SLC35F3: variants seen among roughly 807,000 people sequenced by gnomAD.
The protein encoded by SLC35F3 is solute carrier family 35 member F3, also known as putative thiamine transporter SLC35F3.
In SLC35F3, 25 loss-of-function variants were observed where a neutral mutation model predicts 49.9. That is an observed-to-expected ratio of 0.50 (90% CI 0.37 to 0.70). SLC35F3 has a LOEUF of 0.70. Among genes scored for constraint, SLC35F3 ranks in the 30% least tolerant of loss-of-function variants. SLC35F3 has a pLI of 0.00. For synonymous variants in SLC35F3, 275 were observed against 265.4 expected, an observed-to-expected ratio of 1.04 and a Z score of -0.35; for missense variants, 525 against 639.8, an observed-to-expected ratio of 0.82 and a Z score of 1.94.
intron 3 of SLC35F3, among the ~76,000 whole-genome samples, chr1:234,308,183 T>C (rs1051929885): frequency 8.5e-5 from 13 of 152,154 alleles, no homozygotes; most frequent in Non-Finnish European, 1.5e-5. Context: ...ATAGGTACCC[T>C]AAAAATGGCC....
chr1:234,080,848 A>G (rs576600047), intron 2 of SLC35F3, among the ~76,000 whole-genome samples: 9 of 152,238 alleles, frequency 5.9e-5, no homozygotes, highest in Non-Finnish European at 1.2e-4. Flanking sequence ...TGATGAGTAT[A>G]CCACATCATG....
At chr1:234,258,374 C>G (rs1395415455) in intron 3 of SLC35F3, among the ~76,000 whole-genome samples, 1 of 152,120 alleles carries the variant, frequency 6.6e-6, no homozygotes, top group Admixed American at 6.5e-5. Flanking sequence ...CCTCAAACAC[C>G]AATCTTAGGT....
At chr1:234,299,661 C>T (rs1160738873) in intron 3 of SLC35F3, among the ~76,000 whole-genome samples, 1 of 151,696 alleles carries the variant, frequency 6.6e-6, no homozygotes, top group African/African-American at 2.4e-5. Context: ...AAAAATTAGC[C>T]AGGCATGGTG....
chr1:234,204,123 A>G (rs1316520030), intron 2 of SLC35F3, among the ~76,000 whole-genome samples: 1 of 152,110 alleles, frequency 6.6e-6, no homozygotes, highest in Non-Finnish European at 1.5e-5. Context: ...TCTGATGAAC[A>G]TTTAGGTTAT....
chr1:233,920,873 A>C (rs746521785), intron 2 of SLC35F3, among the ~76,000 whole-genome samples: 5 of 152,222 alleles, frequency 3.3e-5, no homozygotes, highest in Admixed American at 6.5e-5. Context: ...TCAGTCCTAC[A>C]ACCACAGTCA....
intron 2 of SLC35F3, among the ~76,000 whole-genome samples, chr1:234,113,788 G>C (rs191543690): frequency 1.3e-5 from 2 of 152,188 alleles, no homozygotes; most frequent in African/African-American, 4.8e-5. Context: ...GCTTGAACCC[G>C]GGAGGTGGAG....
intron 3 of SLC35F3, among the ~76,000 whole-genome samples, chr1:234,294,820 A>G (rs1478029124): frequency 6.6e-6 from 1 of 152,110 alleles, no homozygotes; most frequent in Non-Finnish European, 1.5e-5. Flanking sequence ...AGAGACAGCT[A>G]TGTAAACAGT....
chr1:234,097,495 G>A (rs1257118740), intron 2 of SLC35F3, among the ~76,000 whole-genome samples: 1 of 152,158 alleles, frequency 6.6e-6, no homozygotes, highest in Non-Finnish European at 1.5e-5. Context: ...TTAAGAGATA[G>A]CAAAGTGTCA....
intron 3 of SLC35F3, among the ~76,000 whole-genome samples, chr1:234,235,403 C>G (rs1376523185): frequency 6.6e-6 from 1 of 152,216 alleles, no homozygotes; most frequent in Non-Finnish European, 1.5e-5. Context: ...TCCTGGACCA[C>G]CTAGCATCTA....
chr1:234,241,315 G>C (rs1382880918), intron 3 of SLC35F3, among the ~76,000 whole-genome samples: 1 of 152,168 alleles, frequency 6.6e-6, no homozygotes, highest in Non-Finnish European at 1.5e-5. Flanking sequence ...ATGAGACCAC[G>C]TGTGGAGGGA....
At chr1:234,047,866 C>A (rs567963863) in intron 2 of SLC35F3, among the ~76,000 whole-genome samples, 1 of 152,156 alleles carries the variant, frequency 6.6e-6, no homozygotes, top group Non-Finnish European at 1.5e-5. Flanking sequence ...CTGGTGAGGG[C>A]TCAGAAAGGT....
At chr1:234,266,662 T>TG (rs2102971074) in intron 3 of SLC35F3, among the ~76,000 whole-genome samples, 1 of 152,340 alleles carries the variant, frequency 6.6e-6, no homozygotes, top group South Asian at 2.1e-4. Context: ...TAGGCTATAA[T>TG]GGGATAGCCT....
chr1:233,927,872 C>T (rs1662184568), intron 2 of SLC35F3, among the ~76,000 whole-genome samples: 1 of 151,658 alleles, frequency 6.6e-6, no homozygotes. Flanking sequence ...TAATTAGATT[C>T]CTTAAATAGA....
chr1:234,032,407 T>C (rs1378683130), intron 2 of SLC35F3, among the ~76,000 whole-genome samples: 2 of 152,148 alleles, frequency 1.3e-5, no homozygotes, highest in Admixed American at 6.5e-5. Context: ...GAGCAGGTGG[T>C]GTTTGGTAAC....
At chr1:234,242,336 G>A (rs116468646) in intron 3 of SLC35F3, among the ~76,000 whole-genome samples, 1,557 of 152,290 alleles carry the variant, frequency 0.01, 27 homozygotes, top group African/African-American at 0.036. Flanking sequence ...AGAGAAGGGG[G>A]CTCCACAAGG....
intron 2 of SLC35F3, among the ~76,000 whole-genome samples, chr1:234,070,089 G>A (rs1425596286): frequency 6.6e-6 from 1 of 152,214 alleles, no homozygotes; most frequent in African/African-American, 2.4e-5. Context: ...AGCCAAAGAA[G>A]CCTGAGCAGC....
intron 2 of SLC35F3, among the ~76,000 whole-genome samples, chr1:234,132,555 A>G (rs1258746728): frequency 6.6e-6 from 1 of 152,202 alleles, no homozygotes; most frequent in African/African-American, 2.4e-5. Context: ...TAATCTTTGC[A>G]GTTTGATTCA....
chr1:234,059,605 ATAGACATAGAC>A (rs1237697381), intron 2 of SLC35F3, among the ~76,000 whole-genome samples: 2 of 148,810 alleles, frequency 1.3e-5, no homozygotes, highest in African/African-American at 4.9e-5. Flanking sequence ...AGCTAGAGAC[ATAGACATAGAC>A]TAGACATAGA....
chr1:234,210,506 G>A (rs1414242999), intron 2 of SLC35F3, among the ~76,000 whole-genome samples: 1 of 152,196 alleles, frequency 6.6e-6, no homozygotes, highest in African/African-American at 2.4e-5. Flanking sequence ...GGACAAAAAA[G>A]TCCAAGCTGA....
Sources: gnomAD v4.1 joint callset for allele counts (sites outside exome capture counted in the v4.1 genomes callset) on GRCh38, gnomAD v4.1.1 for gene constraint, MANE v1.5 for transcripts, NCBI Gene and HGNC (gene_info 2026-07-23, HGNC 2026-07-21) for gene names.